The following MTG2 variants were observed in gnomAD, a reference collection of about 807,000 sequenced individuals.
MTG2 encodes mitochondrial ribosome-associated GTPase 2.
In MTG2, 23 loss-of-function variants were observed where a neutral mutation model predicts 28.6. That is an observed-to-expected ratio of 0.80 (90% CI 0.58 to 1.14). The LOEUF is 1.14. MTG2 is among the 50% of genes most tolerant of loss of function. The pLI is 0.00. For missense variants in MTG2, 539 were observed against 552.0 expected (o/e 0.98, Z 0.24); for synonymous variants, 260 against 251.8 (o/e 1.03, Z -0.31).
intron 1 of MTG2, among the ~76,000 whole-genome samples, chr20:62,187,400 G>T (rs973356756): frequency 1.3e-5 from 2 of 152,214 alleles, no homozygotes; most frequent in African/African-American, 4.8e-5. Flanking sequence ...AAAAGCTTGT[G>T]TAAGATTGGC....
intron 6 of MTG2, 128 bp downstream of exon 6, chr20:62,199,385 C>T (rs1377848708): frequency 5.8e-6 from 7 of 1,200,202 alleles, no homozygotes; most frequent in Non-Finnish European, 8.0e-6. Context: ...GTGGCTCACA[C>T]CTGTAACCCC....
At position 62,201,245 on chromosome 20, in the gene MTG2, C is replaced by T. The variant is rs754624151; in HGVS notation, c.*168C>T. 7 of 825,828 alleles carry T rather than the reference C, an allele frequency of 8.5e-6. No homozygotes were observed. Among genetic ancestry groups the T allele is most frequent in the Middle Eastern group, 3.6e-4 (1 of 2,758 alleles). 51.2% of individuals were successfully genotyped at this position (825,828 alleles called of 1,614,324 possible). A position where few individuals can be genotyped will look rare whatever the true frequency, so the allele number is the denominator to read the frequency against. ...GATGCCCTCATGTTGGGAAGCATTC[C>T]GTGCCCCCTACCCCGCCTGCCCTCC... is the stretch of plus-strand genomic sequence containing the variant. On this transcript the variant is annotated 3_prime_UTR_variant, in exon 7 of 7. Coordinates refer to ENST00000370823, the MANE Select transcript of MTG2 (RefSeq NM_015666.4).
intron 6 of MTG2, 104 bp from the exon 7 acceptor site, chr20:62,200,579 T>C (rs1255230495): frequency 1.4e-6 from 2 of 1,382,518 alleles, no homozygotes; most frequent in Non-Finnish European, 1.9e-6. Flanking sequence ...AAATCCGCCT[T>C]CGCAGTGGGC....
chr20:62,193,381 C>T (rs2057997419), intron 1 of MTG2, 35 bp from the exon 2 acceptor site: 3 of 1,601,276 alleles, frequency 1.9e-6, no homozygotes, highest in Middle Eastern at 3.3e-4. Flanking sequence ...CAGCATTAAA[C>T]CAAGTATCTC....
At chr20:62,185,535 G>A (rs1290908197) in intron 1 of MTG2, among the ~76,000 whole-genome samples, 2 of 152,130 alleles carry the variant, frequency 1.3e-5, no homozygotes, top group East Asian at 3.8e-4. Flanking sequence ...TTCTTGGAAC[G>A]CTGAAGCACA....
At chr20:62,187,846 G>A (rs1254328111) in intron 1 of MTG2, among the ~76,000 whole-genome samples, 1 of 152,102 alleles carries the variant, frequency 6.6e-6, no homozygotes, top group Non-Finnish European at 1.5e-5. Flanking sequence ...CCTTCTACTC[G>A]ACGCTTACTT....
At chr20:62,196,068 T>G in intron 3 of MTG2, 119 bp downstream of exon 3, 1 of 1,259,288 alleles carries the variant, frequency 7.9e-7, no homozygotes, top group Non-Finnish European at 1.1e-6. Flanking sequence ...ATCCCAGCAC[T>G]TGGAGAGGCT....
Position 62,201,194 on chromosome 20 carries a change from T to C in MTG2, c.*117T>C. The stretch of plus-strand genomic sequence containing the variant: ...ACGGGGGAGTTGTGGTGCTTCTGGG[T>C]CTCTGGGCCCCGCCTGCTGGCCTGA... On this transcript the variant is annotated 3_prime_UTR_variant, in exon 7 of 7. Transcript: ENST00000370823. 7.7e-7 allele frequency: 1 copy of C among 1,293,690 alleles called. No homozygotes were observed. The highest frequency in any genetic ancestry group is 1.0e-6 in the Non-Finnish European group (1 of 970,162). 80.1% of individuals were successfully genotyped at this position (1,293,690 alleles called of 1,614,324 possible).
chr20:62,195,215 A>G (rs2145851667), intron 2 of MTG2, among the ~76,000 whole-genome samples: 1 of 152,256 alleles, frequency 6.6e-6, no homozygotes, highest in East Asian at 1.9e-4. Context: ...CACAAAAAAC[A>G]AAACAGCTTT....
chr20:62,195,008 A>T (rs2145850975), intron 2 of MTG2, among the ~76,000 whole-genome samples: 1 of 152,294 alleles, frequency 6.6e-6, no homozygotes, highest in Admixed American at 6.5e-5. Context: ...CATCCTGGCC[A>T]ACACGGTGAA....
intron 1 of MTG2, among the ~76,000 whole-genome samples, chr20:62,191,992 C>A (rs1014614015): frequency 2.6e-5 from 4 of 152,142 alleles, no homozygotes; most frequent in African/African-American, 9.7e-5. Flanking sequence ...CCTGTCGCTC[C>A]GGGGATATTT....
chr20:62,184,336 C>A (rs1436011400), intron 1 of MTG2, among the ~76,000 whole-genome samples: 2 of 151,390 alleles, frequency 1.3e-5, no homozygotes, highest in South Asian at 2.1e-4. Flanking sequence ...CCAGCCTAGG[C>A]AACAGAGCGA....
chr20:62,183,035 A>G lies in MTG2; in HGVS notation c.-28A>G, dbSNP rs1414663570. 6.6e-6 allele frequency: 1 copy of G among 150,402 alleles called. No individual in the cohort carries two copies. The highest frequency in any genetic ancestry group is 2.5e-5 in the African/African-American group (1 of 39,796). The allele number at this position is 150,402 out of a possible 1,614,324, so 9.3% of individuals were successfully genotyped here. On this transcript the variant is annotated 5_prime_UTR_variant, in exon 1 of 7. Transcript: ENST00000370823. The stretch of plus-strand genomic sequence containing the variant: ...TGGTCGGCCGCTTGCGACGCTCCGG[A>G]AGTGACGTGCTTTCCCGAGCCGGTG...
At chr20:62,192,161 C>G (rs1389849167) in intron 1 of MTG2, among the ~76,000 whole-genome samples, 1 of 152,226 alleles carries the variant, frequency 6.6e-6, no homozygotes, top group Non-Finnish European at 1.5e-5. Flanking sequence ...TCACCCCCCA[C>G]TTCAGATGCT....
In MTG2 at chr20:62,198,682, C is replaced by G. The variant is rs1222073399; in HGVS notation, c.517C>G (p.Leu173Val). ...VKEGGRVVAD[L>V]SCVGDEYIAA... ...GGAGGGAGGCAGAGTTGTGGCCGACCTGTCTTGCGTGGGAGATGAGTACAT... is the reference window on the plus strand; with the variant it reads ...GGAGGGAGGCAGAGTTGTGGCCGACGTGTCTTGCGTGGGAGATGAGTACAT... Residue 173 changes from leucine (L) to valine (V), a missense_variant, in exon 5 of 7, where the codon CTG (leucine) becomes GTG (valine). Leu to Val is a conservative substitution (Grantham distance 32). Coordinates refer to ENST00000370823, the MANE Select transcript of MTG2 (RefSeq NM_015666.4). 3.1e-6 allele frequency: 5 copies of G among 1,614,130 alleles called. No homozygotes were observed. Among genetic ancestry groups the G allele is most frequent in the Non-Finnish European group, 4.2e-6 (5 of 1,180,014 alleles).
At chr20:62,198,056 G>A in intron 4 of MTG2, 89 bp downstream of exon 4, 1 of 1,041,474 alleles carries the variant, frequency 9.6e-7, no homozygotes, top group Non-Finnish European at 1.5e-6. Flanking sequence ...CGGGGCCCCT[G>A]TGGCTTGATG....
intron 1 of MTG2, among the ~76,000 whole-genome samples, chr20:62,192,211 TC>T (rs2057973997): frequency 6.6e-6 from 1 of 152,230 alleles, no homozygotes; most frequent in South Asian, 2.1e-4. Context: ...CACACTTCTG[TC>T]CATCTTGGCT....
intron 1 of MTG2, among the ~76,000 whole-genome samples, chr20:62,191,668 T>G (rs1353496978): frequency 6.6e-6 from 1 of 152,028 alleles, no homozygotes; most frequent in Non-Finnish European, 1.5e-5. Context: ...TCTGGCCCCG[T>G]GTTGAGTTTT....
intron 1 of MTG2, among the ~76,000 whole-genome samples, chr20:62,186,818 C>T (rs2057859712): frequency 2.0e-5 from 3 of 151,958 alleles, no homozygotes; most frequent in Admixed American, 1.3e-4. Flanking sequence ...CATGAGCCAC[C>T]GTGCCCAGCC....
Sources: gnomAD v4.1 joint callset for allele counts (sites outside exome capture counted in the v4.1 genomes callset) on GRCh38, gnomAD v4.1.1 for gene constraint, MANE v1.5 for transcripts, NCBI Gene and HGNC (gene_info 2026-07-23, HGNC 2026-07-21) for gene names.